MNAT1: variants seen among roughly 807,000 people sequenced by gnomAD.
MNAT1 encodes the protein MNAT1 component of CDK activating kinase, also known as CDK-activating kinase assembly factor MAT1.
MNAT1 carries 43 observed loss-of-function variants against 42.0 expected under a neutral mutation model. The observed-to-expected ratio is 1.02, with a 90% CI of 0.80 to 1.32. The LOEUF is 1.32. Among genes scored for constraint, MNAT1 ranks in the 40% most tolerant of loss-of-function variants. MNAT1 has a pLI of 0.00. For missense variants in MNAT1, 306 were observed against 350.4 expected, an observed-to-expected ratio of 0.87 and a Z score of 1.01; for synonymous variants, 118 against 120.0, an observed-to-expected ratio of 0.98 and a Z score of 0.11.
chr14:60,860,102 A>G (rs2034059261), intron 6 of MNAT1, among the ~76,000 whole-genome samples: 1 of 152,150 alleles, frequency 6.6e-6, no homozygotes, highest in Admixed American at 6.5e-5. Context: ...CATTTGTAAC[A>G]TTGTTTCTGC....
intron 7 of MNAT1, among the ~76,000 whole-genome samples, chr14:60,906,058 T>C (rs746962310): frequency 2.0e-5 from 3 of 152,204 alleles, no homozygotes; most frequent in Non-Finnish European, 4.4e-5. Flanking sequence ...TGTAAGATGG[T>C]ATTTTAGCAA....
chr14:60,954,897 T>C (rs1331833684), intron 7 of MNAT1, among the ~76,000 whole-genome samples: 1 of 152,172 alleles, frequency 6.6e-6, no homozygotes, highest in Non-Finnish European at 1.5e-5. Flanking sequence ...ACATTCCTTC[T>C]ATATGTAATT....
chr14:60,922,029 C>T (rs986794699), intron 7 of MNAT1, among the ~76,000 whole-genome samples: 14 of 152,088 alleles, frequency 9.2e-5, no homozygotes, highest in African/African-American at 2.9e-4. Context: ...AATAATTTTA[C>T]AGTAGAAACA....
chr14:60,942,443 ATT>A (rs71114169), intron 7 of MNAT1, among the ~76,000 whole-genome samples: 2,350 of 143,252 alleles, frequency 0.016, 55 homozygotes, highest in African/African-American at 0.057. Context: ...TTCTCTCTTA[ATT>A]TTTTTTTTTT....
chr14:60,963,599 G>A (rs1018763934), intron 7 of MNAT1, among the ~76,000 whole-genome samples: 34 of 152,278 alleles, frequency 2.2e-4, no homozygotes, highest in Non-Finnish European at 2.5e-4. Flanking sequence ...TGATAGCTGA[G>A]ATCAGCTGGC....
chr14:60,952,407 T>A (rs1261617942), intron 7 of MNAT1, among the ~76,000 whole-genome samples: 1 of 152,190 alleles, frequency 6.6e-6, no homozygotes, highest in Non-Finnish European at 1.5e-5. Context: ...GGAGAGAACA[T>A]ACTGTAAATA....
At chr14:60,794,825 A>G (rs2031960898) in intron 1 of MNAT1, among the ~76,000 whole-genome samples, 2 of 151,972 alleles carry the variant, frequency 1.3e-5, no homozygotes, top group East Asian at 3.9e-4. Flanking sequence ...TCTGTAAGTT[A>G]AATACACACT....
intron 6 of MNAT1, among the ~76,000 whole-genome samples, chr14:60,841,220 C>T (rs182920026): frequency 7.3e-5 from 11 of 151,468 alleles, no homozygotes; most frequent in Non-Finnish European, 1.3e-4. Context: ...TCTCTCACAC[C>T]TTTCTCTCTC....
intron 7 of MNAT1, among the ~76,000 whole-genome samples, chr14:60,895,492 T>G (rs1365999943): frequency 6.6e-6 from 1 of 152,204 alleles, no homozygotes; most frequent in Non-Finnish European, 1.5e-5. Context: ...AGTTATCCCT[T>G]TACAATGGTC....
At chr14:60,930,041 A>G (rs1241849489) in intron 7 of MNAT1, among the ~76,000 whole-genome samples, 2 of 152,002 alleles carry the variant, frequency 1.3e-5, no homozygotes, top group Non-Finnish European at 2.9e-5. Context: ...TTGGTAAAGT[A>G]AAACTGGCTT....
chr14:60,874,876 A>G (rs1490092477), intron 6 of MNAT1, among the ~76,000 whole-genome samples: 5 of 152,146 alleles, frequency 3.3e-5, no homozygotes, highest in South Asian at 2.1e-4. Flanking sequence ...TTAAGCCATT[A>G]TCTGCTCTGT....
At chr14:60,902,656 T>G (rs2035094746) in intron 7 of MNAT1, among the ~76,000 whole-genome samples, 1 of 152,146 alleles carries the variant, frequency 6.6e-6, no homozygotes, top group Non-Finnish European at 1.5e-5. Flanking sequence ...CCAATCCTTT[T>G]GGGATTGTAC....
intron 7 of MNAT1, among the ~76,000 whole-genome samples, chr14:60,961,964 T>C (rs2036601984): frequency 6.6e-6 from 1 of 152,206 alleles, no homozygotes; most frequent in Admixed American, 6.5e-5. Flanking sequence ...ATTCAGAAGC[T>C]AGTACATTTA....
At chr14:60,779,827 C>A (rs555790560) in intron 1 of MNAT1, among the ~76,000 whole-genome samples, 1 of 152,166 alleles carries the variant, frequency 6.6e-6, no homozygotes, top group East Asian at 1.9e-4. Context: ...GAAGCTGTTT[C>A]CTGCTAGAGT....
intron 6 of MNAT1, among the ~76,000 whole-genome samples, chr14:60,840,633 ACAT>A (rs1482320945): frequency 6.6e-6 from 1 of 152,086 alleles, no homozygotes; most frequent in Admixed American, 6.5e-5. Flanking sequence ...TAGTCAAAGA[ACAT>A]ATGTTAAAGG....
At chr14:60,897,099 A>G (rs2034973724) in intron 7 of MNAT1, among the ~76,000 whole-genome samples, 4 of 152,166 alleles carry the variant, frequency 2.6e-5, no homozygotes. Context: ...AGAAGTTCAT[A>G]TCACATTTTA....
In MNAT1 at chr14:60,886,803, T is replaced by A. The variant is rs188960534; in HGVS notation, c.809+6968T>A. Among the ~76,000 whole-genome samples the A allele has an allele frequency of 1.2e-4, 18 of 152,274 alleles. No homozygotes were observed. In the East Asian group the frequency reaches 3.3e-3, roughly 28 times the overall value. ...TTATGATTTTGTACATATAGGATCATGTCATATGCAGAGAGGCATAATTTT... is the reference window on the plus strand; with the variant it reads ...TTATGATTTTGTACATATAGGATCAAGTCATATGCAGAGAGGCATAATTTT... On this transcript the variant is annotated intron_variant, in intron 7 of 7. Transcript: ENST00000261245.
At chr14:60,940,458 C>T (rs1409783955) in intron 7 of MNAT1, among the ~76,000 whole-genome samples, 2 of 152,152 alleles carry the variant, frequency 1.3e-5, no homozygotes, top group Non-Finnish European at 2.9e-5. Context: ...CGCTCTGTTG[C>T]CCAGGCTAGA....
chr14:60,907,823 T>C (rs2035243048), intron 7 of MNAT1, among the ~76,000 whole-genome samples: 1 of 151,708 alleles, frequency 6.6e-6, no homozygotes, highest in Admixed American at 6.6e-5. Flanking sequence ...GAATCAATTT[T>C]AATGAAACAA....
Sources: gnomAD v4.1 joint callset for allele counts (sites outside exome capture counted in the v4.1 genomes callset) on GRCh38, gnomAD v4.1.1 for gene constraint, MANE v1.5 for transcripts, NCBI Gene and HGNC (gene_info 2026-07-23, HGNC 2026-07-21) for gene names.